Variants in DOCK4 observed in about 807,000 individuals in gnomAD.
DOCK4 encodes dedicator of cytokinesis 4, also known as dedicator of cytokinesis protein 4.
A neutral mutation model predicts 268.1 loss-of-function variants in DOCK4; 97 were observed. The ratio of observed to expected loss-of-function variants is 0.36; its 90% CI spans 0.31 to 0.43. DOCK4 has a LOEUF of 0.43. Among genes scored for constraint, DOCK4 ranks in the 20% least tolerant of loss-of-function variants. The pLI is 1.00. For synonymous variants in DOCK4, 954 were observed against 887.2 expected (o/e 1.08, Z -1.34); for missense variants, 2,145 against 2,455.7 (o/e 0.87, Z 2.67).
intron 13 of DOCK4, among the ~76,000 whole-genome samples, chr7:111,913,479 C>T (rs1299496669): frequency 2.7e-4 from 40 of 145,762 alleles, no homozygotes; most frequent in Middle Eastern, 6.9e-3. Flanking sequence ...GCGCGATCTC[C>T]GCTCACTGCA....
intron 30 of DOCK4, among the ~76,000 whole-genome samples, chr7:111,800,374 A>G (rs1391026691): frequency 6.6e-6 from 1 of 152,230 alleles, no homozygotes; most frequent in African/African-American, 2.4e-5. Context: ...TAGCCACCCA[A>G]TAACATATCT....
chr7:112,147,960 CCTAT>C lies in DOCK4; in HGVS notation c.37+58138_37+58141del, dbSNP rs373252095. On this transcript the variant is annotated intron_variant, in intron 1 of 52. Coordinates refer to ENST00000428084, the MANE Select transcript of DOCK4 (RefSeq NM_001363540.2). ...CTCCACCAGCTCTCCCCTCAGGCCT[CCTAT>C]CACCCCTCTGCTCAAGCACACATGC... 4.3e-3 allele frequency among the ~76,000 whole-genome samples: 648 copies of C among 152,018 alleles called. 3 individuals carry two copies. Among genetic ancestry groups the C allele is most frequent in the African/African-American group, 0.015 (617 of 41,470 alleles).
At chr7:111,969,489 G>A (rs1797527401) in intron 8 of DOCK4, among the ~76,000 whole-genome samples, 1 of 150,696 alleles carries the variant, frequency 6.6e-6, no homozygotes, top group Non-Finnish European at 1.5e-5. Flanking sequence ...TATGTCTGAA[G>A]AGCAAAGGGC....
intron 4 of DOCK4, among the ~76,000 whole-genome samples, chr7:111,996,908 C>G (rs1358305123): frequency 6.6e-6 from 1 of 152,228 alleles, no homozygotes; most frequent in Non-Finnish European, 1.5e-5. Context: ...TTTGCTAGCA[C>G]AGCATTCTCT....
rs61696712 is a variant in DOCK4 at position 112,061,739 on chromosome 7, T to TCACACACACACA, written c.38-57620_38-57609dup. On this transcript the variant is annotated intron_variant, in intron 1 of 52. Transcript: ENST00000428084. Reference sequence around the variant, plus strand: ...ATATTCTGGGAAGATATTAACAATGTCACACACACACACACACACACACAC... The same window carrying TCACACACACACA: ...ATATTCTGGGAAGATATTAACAATGTCACACACACACACACACACACACACACACACACACAC... Among the ~76,000 whole-genome samples, 209 of 137,222 alleles carry TCACACACACACA rather than the reference T, an allele frequency of 1.5e-3. 1 individual carries two copies. The highest frequency in any genetic ancestry group is 4.6e-3 in the African/African-American group (167 of 36,184). 90.0% of individuals were successfully genotyped at this position (137,222 alleles called of 152,430 possible).
chr7:111,909,481 T>C (rs1323867893), intron 13 of DOCK4, among the ~76,000 whole-genome samples: 1 of 152,246 alleles, frequency 6.6e-6, no homozygotes, highest in Non-Finnish European at 1.5e-5. Flanking sequence ...ACACATTTGT[T>C]TATTGCAGCA....
intron 23 of DOCK4, among the ~76,000 whole-genome samples, chr7:111,851,235 G>T (rs1250891773): frequency 6.6e-6 from 1 of 152,072 alleles, no homozygotes; most frequent in African/African-American, 2.4e-5. Context: ...ACGAGGTCAG[G>T]AGATTGAGCC....
intron 10 of DOCK4, among the ~76,000 whole-genome samples, chr7:111,941,177 G>T (rs1293295461): frequency 6.6e-6 from 1 of 152,148 alleles, no homozygotes; most frequent in African/African-American, 2.4e-5. Flanking sequence ...TATTTTATCA[G>T]TTAGAATCAA....
intron 1 of DOCK4, among the ~76,000 whole-genome samples, chr7:112,151,240 C>T (rs1482393841): frequency 4.5e-4 from 69 of 152,080 alleles, no homozygotes; most frequent in Admixed American, 4.5e-3. Flanking sequence ...TGGTGGCCCA[C>T]CTTCAGTAGC....
chr7:111,951,323 G>A (rs1167287772), intron 8 of DOCK4, among the ~76,000 whole-genome samples: 5 of 152,134 alleles, frequency 3.3e-5, no homozygotes, highest in Non-Finnish European at 5.9e-5. Context: ...ACAGTAGGAG[G>A]TGGAAACCAC....
In DOCK4 at chr7:111,875,022, G is replaced by A. The variant is rs1456134034; in HGVS notation, c.1744+2008C>T. ...TTCCAATTTGGAACTAGATTACTTC[G>A]ACACAAAGATGTGTGTTTAGCATGT... On this transcript the variant is annotated intron_variant, in intron 17 of 52. Transcript: ENST00000428084. Among the ~76,000 whole-genome samples the A allele has an allele frequency of 3.3e-5, 5 of 152,164 alleles. No homozygotes were observed. The East Asian group carries it at 5.8e-4, about 18-fold the overall frequency.
chr7:111,924,437 G>A lies in DOCK4; in HGVS notation c.1067-8533C>T, dbSNP rs189701041. Among the ~76,000 whole-genome samples, 345 of 152,316 alleles carry A rather than the reference G, an allele frequency of 2.3e-3. 4 individuals are homozygous for A. Among genetic ancestry groups the A allele is most frequent in the East Asian group, 3.3e-3 (17 of 5,178 alleles). ...ATACCTTGACTGGAAGCTGATGGGAGAGGGAACCCCATCTTCTTGGCTACA... is the reference window on the plus strand; with the variant it reads ...ATACCTTGACTGGAAGCTGATGGGAAAGGGAACCCCATCTTCTTGGCTACA... On this transcript the variant is annotated intron_variant, in intron 12 of 52. Transcript: ENST00000428084.
intron 1 of DOCK4, among the ~76,000 whole-genome samples, chr7:112,041,998 G>T (rs962513844): frequency 6.6e-6 from 1 of 152,126 alleles, no homozygotes; most frequent in Non-Finnish European, 1.5e-5. Flanking sequence ...GGTGGCACAC[G>T]CGTGTAGTCC....
At chr7:112,101,981 T>A (rs558399238) in intron 1 of DOCK4, among the ~76,000 whole-genome samples, 15 of 152,150 alleles carry the variant, frequency 9.9e-5, no homozygotes, top group Admixed American at 3.9e-4. Context: ...TAGCTGGGAC[T>A]ACAGGCACCC....
intron 27 of DOCK4, chr7:111,820,196 G>A (rs1218684978): frequency 2.0e-5 from 3 of 152,248 alleles, no homozygotes; most frequent in Admixed American, 6.5e-5. Flanking sequence ...GAGGAGAGGA[G>A]AGGAAAGAAG....
intron 1 of DOCK4, among the ~76,000 whole-genome samples, chr7:112,032,579 C>T (rs1218600842): frequency 1.3e-5 from 2 of 151,980 alleles, no homozygotes; most frequent in Non-Finnish European, 2.9e-5. Context: ...TTGTGAATTC[C>T]TCCCTACACA....
chr7:111,861,957 G>T (rs1382824732), intron 23 of DOCK4, among the ~76,000 whole-genome samples: 1 of 151,964 alleles, frequency 6.6e-6, no homozygotes, highest in Non-Finnish European at 1.5e-5. Flanking sequence ...GGAAATGGGA[G>T]CCTAGACAGG....
chr7:112,182,449 GA>G (rs570153585), intron 1 of DOCK4, among the ~76,000 whole-genome samples: 64 of 152,332 alleles, frequency 4.2e-4, no homozygotes, highest in African/African-American at 1.5e-3. Context: ...AAGGATCTGA[GA>G]GGGGTGTTAG....
intron 9 of DOCK4, 89 bp from the exon 10 acceptor site, chr7:111,944,960 G>C: frequency 9.8e-7 from 1 of 1,016,406 alleles, no homozygotes; most frequent in East Asian, 2.4e-5. Context: ...AAAGAAGAAA[G>C]AGATGGACAC....
Sources: allele counts gnomAD v4.1 joint callset (sites outside exome capture counted in the v4.1 genomes callset), GRCh38; gene constraint gnomAD v4.1.1; transcripts MANE v1.5; gene names NCBI Gene and HGNC (gene_info 2026-07-23, HGNC 2026-07-21).